The following PRC1 variants were observed in gnomAD, a reference collection of about 807,000 sequenced individuals.
PRC1 encodes the protein anaphase spindle elongation 1 homolog.
A neutral mutation model predicts 91.2 loss-of-function variants in PRC1; 54 were observed. That is an observed-to-expected ratio of 0.59 (90% CI 0.48 to 0.74). The LOEUF (loss-of-function observed/expected upper bound fraction) is 0.74. PRC1 is among the 30% of genes least tolerant of loss of function. The pLI is 0.00. For synonymous variants in PRC1, 275 were observed against 263.6 expected (o/e 1.04, Z -0.42); for missense variants, 727 against 746.2 (o/e 0.97, Z 0.30).
At position 90,980,930 on chromosome 15, in the gene PRC1, G is replaced by A. The variant is rs780486994; in HGVS notation, c.776C>T (p.Ala259Val). 1 of 1,614,168 alleles carries A rather than the reference G, an allele frequency of 6.2e-7. No homozygotes were observed. The highest frequency in any genetic ancestry group is 1.1e-5 in the South Asian group (1 of 91,090). Residue 259 changes from alanine to valine, a missense_variant, in exon 6 of 15, where the codon GCT (alanine) becomes GTT (valine). Transcript: ENST00000394249. Reference sequence around the variant, plus strand: ...TGACCCAGACATAATGGTGGCCACAGCTTCTCTTTCTTCTTCAGGTATTTG... The same window carrying A: ...TGACCCAGACATAATGGTGGCCACAACTTCTCTTTCTTCTTCAGGTATTTG... ...RLQIPEEEREAVATIMSGSKA... is the reference protein window; with the variant it reads ...RLQIPEEEREVVATIMSGSKA...
rs1434350872 is a variant in PRC1 at position 90,984,883 on chromosome 15, G to A, written c.12-58C>T. The A allele has an allele frequency of 1.9e-6, 3 of 1,582,434 alleles. No individual in the cohort carries two copies. The highest frequency in any genetic ancestry group is 1.7e-4 in the Middle Eastern group (1 of 5,904). On this transcript the variant is annotated intron_variant, in intron 1 of 14. Coordinates refer to ENST00000394249, the MANE Select transcript of PRC1 (RefSeq NM_003981.4). This position sits in a 1 kb window ranked among gnomAD's most constrained non-coding sequence, Gnocchi z 5.1. ...ATCAGTCACAGCCTCTGGACTAAAA[G>A]CACTATTTTCGAGAACTAAAAAGAC...
chr15:90,968,428 G>A (rs1282223265), intron 14 of PRC1: 103 of 985,618 alleles, frequency 1.0e-4, no homozygotes, highest in Non-Finnish European at 1.2e-4. Context: ...CAAGGGTGAG[G>A]AACATCCTCT....
chr15:90,982,196 T>A (rs2039251908), intron 3 of PRC1: 1 of 581,446 alleles, frequency 1.7e-6, no homozygotes, highest in South Asian at 2.1e-5. Flanking sequence ...CCCCCAATTT[T>A]AAAACTTGTG....
At chr15:90,971,439 C>T (rs1028956356) in intron 11 of PRC1, among the ~76,000 whole-genome samples, 13 of 152,088 alleles carry the variant, frequency 8.5e-5, no homozygotes, top group African/African-American at 2.7e-4. Flanking sequence ...GCGTGTGCCA[C>T]CACAACCAGC....
intron 9 of PRC1, 93 bp downstream of exon 9, chr15:90,976,583 T>G: frequency 1.9e-6 from 2 of 1,052,070 alleles, no homozygotes. Flanking sequence ...TTGAAGAAAA[T>G]AGTTTTGGGG....
chr15:90,970,956 A>T (rs1005146335), intron 11 of PRC1, among the ~76,000 whole-genome samples: 1 of 152,254 alleles, frequency 6.6e-6, no homozygotes. Flanking sequence ...ATGAATATTG[A>T]TCTACAATAA....
chr15:90,987,616 C>G (rs1285996539), intron 1 of PRC1: 1 of 152,120 alleles, frequency 6.6e-6, no homozygotes, highest in Non-Finnish European at 1.5e-5. Flanking sequence ...AGAAATTTTT[C>G]TCCCTTTTCT....
rs1395475093 is a variant in PRC1 at position 90,970,410 on chromosome 15, G to T, written c.1566C>A (p.Gly522=). ...HSPVSRLPPS[G]SKPVAASTCS... is the part of the protein sequence containing the mutation. ...AGACACAGGGCATACTAACCTTGCTGCCAGAAGGAGGAAGTCGAGACACGG... is the reference window on the plus strand; with the variant it reads ...AGACACAGGGCATACTAACCTTGCTTCCAGAAGGAGGAAGTCGAGACACGG... The change falls in exon 12 of 15, where the codon GGC becomes GGA. Residue 522 remains glycine (G), a synonymous_variant. Transcript: ENST00000394249. The T allele has an allele frequency of 1.2e-5, 19 of 1,601,452 alleles. No individual in the cohort carries two copies. Among genetic ancestry groups the T allele is most frequent in the Non-Finnish European group, 1.5e-5 (18 of 1,168,682 alleles).
chr15:90,967,234 A>C, intron 14 of PRC1, 32 bp from the exon 15 acceptor site: 1 of 1,565,798 alleles, frequency 6.4e-7, no homozygotes, highest in Non-Finnish European at 8.8e-7. Context: ...CAGTGGCCAT[A>C]CTGCCTCTCT....
chr15:90,968,688 G>A, intron 14 of PRC1: 1 of 1,044,328 alleles, frequency 9.6e-7, no homozygotes, highest in Admixed American at 4.8e-5. Context: ...ATATACTCCA[G>A]GAAATAATCA....
At chr15:90,985,983 T>C (rs1337363497) in intron 1 of PRC1, 1 of 152,194 alleles carries the variant, frequency 6.6e-6, no homozygotes, top group African/African-American at 2.4e-5. Context: ...CTACCATGCC[T>C]GGCCTATTCT....
chr15:90,968,770 CTATT>C, intron 14 of PRC1: 1 of 1,193,464 alleles, frequency 8.4e-7, no homozygotes, highest in East Asian at 4.9e-5. Flanking sequence ...TTGGGGGCCT[CTATT>C]CTTTCCAGCT....
At chr15:90,993,631 C>T (rs2040110282) in intron 1 of PRC1, among the ~76,000 whole-genome samples, 1 of 152,210 alleles carries the variant, frequency 6.6e-6, no homozygotes, top group South Asian at 2.1e-4. Context: ...GTGTCACCGT[C>T]TGGTCCCGAT....
intron 14 of PRC1, chr15:90,967,682 C>T: frequency 5.7e-6 from 2 of 349,088 alleles, no homozygotes; most frequent in Non-Finnish European, 8.1e-6. Flanking sequence ...CTGTAACATG[C>T]TGCCCAGGTT....
chr15:90,980,529 T>G lies in PRC1; in HGVS notation c.823-140A>C, dbSNP rs979264965. On this transcript the variant is annotated intron_variant, in intron 6 of 14. Coordinates refer to ENST00000394249, the MANE Select transcript of PRC1 (RefSeq NM_003981.4). ...AATCAACACTTTTTTTTTTTTTTTTTTTTTTTTGAGACAGGGTCTCACTCT... is the reference window on the plus strand; with the variant it reads ...AATCAACACTTTTTTTTTTTTTTTTGTTTTTTTGAGACAGGGTCTCACTCT... 511 of 1,034,748 alleles carry G rather than the reference T, an allele frequency of 4.9e-4. 8 individuals are homozygous for G. The highest frequency in any genetic ancestry group is 4.2e-3 in the South Asian group (233 of 55,842). The allele number at this position is 1,034,748 out of a possible 1,614,324, so 64.1% of individuals were successfully genotyped here.
In PRC1 at chr15:90,980,382, A is replaced by G. The variant is rs762463247; in HGVS notation, c.830T>C (p.Leu277Ser). Residue 277 changes from leucine (L) to serine (S), a missense_variant, in exon 7 of 15, where the codon TTA becomes TCA. Transcript: ENST00000394249. ...SKAKVRKALQ[L>S]EVDRLEELKM... ...CAGTTCTTCCAACCGATCCACTTCTAATTGCAGCTGAAAGAAAGAAACTTG... is the reference window on the plus strand; with the variant it reads ...CAGTTCTTCCAACCGATCCACTTCTGATTGCAGCTGAAAGAAAGAAACTTG... The G allele has an allele frequency of 1.2e-6, 2 of 1,613,020 alleles. No homozygotes were observed. Among genetic ancestry groups the G allele is most frequent in the African/African-American group, 2.7e-5 (2 of 74,838 alleles).
intron 1 of PRC1, chr15:90,987,793 C>T (rs548276942): frequency 6.6e-6 from 1 of 152,224 alleles, no homozygotes. Context: ...TAGCCCCTTT[C>T]TGTCTCAGAG....
intron 8 of PRC1, among the ~76,000 whole-genome samples, chr15:90,977,583 T>G (rs1379726303): frequency 7.0e-6 from 1 of 143,056 alleles, no homozygotes; most frequent in Non-Finnish European, 1.5e-5. Context: ...TACGTTTTTT[T>G]TTTTTTTTTT....
intron 6 of PRC1, 73 bp from the exon 7 acceptor site, chr15:90,980,462 C>T: frequency 3.4e-6 from 5 of 1,468,100 alleles, no homozygotes; most frequent in South Asian, 1.3e-5. Context: ...AGATCCCCCC[C>T]TTTTAAGTAA....
Sources: allele counts gnomAD v4.1 joint callset (sites outside exome capture counted in the v4.1 genomes callset), GRCh38; gene constraint gnomAD v4.1.1; non-coding constraint Gnocchi (gnomAD v3.1); transcripts MANE v1.5; gene names NCBI Gene and HGNC (gene_info 2026-07-23, HGNC 2026-07-21).